Variants in ABCC6 observed in about 807,000 individuals in gnomAD.
The protein encoded by ABCC6 is ATP binding cassette subfamily C member 6, also known as ATP-binding cassette sub-family C member 6.
ABCC6 carries 126 observed loss-of-function variants against 169.5 expected under a neutral mutation model. That is an observed-to-expected ratio of 0.74 (90% confidence interval 0.64 to 0.86). The LOEUF (loss-of-function observed/expected upper bound fraction) is 0.86. ABCC6 is among the 40% of genes least tolerant of loss of function. The pLI, the probability that ABCC6 is intolerant of heterozygous loss-of-function variation, is 0.00. For synonymous variants in ABCC6, 752 were observed against 814.7 expected (o/e 0.92, Z 1.31); for missense variants, 1,733 against 1,927.2 (o/e 0.90, Z 1.89).
chr16:16,154,952 C>A lies in ABCC6; in HGVS notation c.3962G>T (p.Gly1321Val). The change falls in exon 28 of 31, where the codon GGT (glycine) becomes GTT (valine). Residue 1321 changes from glycine to valine, a missense_variant. Gly to Val is a moderately radical substitution (Grantham distance 109). Transcript: ENST00000205557. ...GLLRLQEAAEGGIWIDGVPIA... is the reference protein window; with the variant it reads ...GLLRLQEAAEVGIWIDGVPIA... ...GGGGACCCCGTCGATCCAGATCCCA[C>A]CCTCAGCTGCCTCCTGGAGCCGCAG... 6.3e-7 allele frequency: 1 copy of A among 1,589,726 alleles called. No individual in the cohort carries two copies. The highest frequency in any genetic ancestry group is 8.6e-7 in the Non-Finnish European group (1 of 1,168,416).
rs1201141097 is a variant in ABCC6, at chr16:16,223,385, T to TGG, written c.36+12_36+13dup. On this transcript the variant is annotated intron_variant, in intron 1 of 30. Coordinates refer to ENST00000205557, the MANE Select transcript of ABCC6 (RefSeq NM_001171.6). ...CCTGGAAAAGGAGAGTGGGGCGCGATGGGGGGCACTCACCCCCTGCCCCGC... is the reference window on the plus strand; with the variant it reads ...CCTGGAAAAGGAGAGTGGGGCGCGATGGGGGGGGCACTCACCCCCTGCCCCGC... 31 of 1,292,342 alleles carry TGG rather than the reference T, an allele frequency of 2.4e-5. No individual in the cohort carries two copies. The highest frequency in any genetic ancestry group is 3.3e-5 in the Non-Finnish European group (31 of 950,500). The allele number at this position is 1,292,342 out of a possible 1,614,324, so 80.1% of individuals were successfully genotyped here.
intron 20 of ABCC6, 159 bp downstream of exon 20, chr16:16,175,751 TA>T: frequency 3.3e-6 from 1 of 299,878 alleles, no homozygotes; most frequent in Non-Finnish European, 4.7e-6. Flanking sequence ...CCAATTTTGG[TA>T]AATTATCCCT....
chr16:16,183,867 C>T (rs866238281), intron 15 of ABCC6, among the ~76,000 whole-genome samples: 5 of 152,148 alleles, frequency 3.3e-5, no homozygotes, highest in Middle Eastern at 3.4e-3. Flanking sequence ...CACTCTCCTG[C>T]CCCAGGACCT....
In ABCC6 at chr16:16,208,749, C is replaced by G. The variant is rs1171374387; in HGVS notation, c.773G>C (p.Arg258Thr). ...TTACCTCCGGGCTGCACTGCGGTTCCTCATCCACTCCTTTTCAAGCCGGGA... is the reference window on the plus strand; with the variant it reads ...TTACCTCCGGGCTGCACTGCGGTTCGTCATCCACTCCTTTTCAAGCCGGGA... ...LVSRLEKEWM[R>T]NRSAARRHNK... is the part of the protein sequence containing the mutation. Residue 258 changes from arginine to threonine, a missense_variant, in exon 7 of 31, where the codon AGG (arginine) becomes ACG (threonine). Physicochemically the swap from Arg to Thr is moderately conservative, Grantham distance 71 (BLOSUM62 -1). Around this residue, in one of 5 missense-constraint regions of ABCC6, gnomAD observed 1,601 missense variants for 1,635.5 expected, o/e 0.98. Coordinates refer to ENST00000205557, the MANE Select transcript of ABCC6 (RefSeq NM_001171.6). The G allele has an allele frequency of 1.2e-5, 19 of 1,613,584 alleles. No individual in the cohort carries two copies. The highest frequency in any genetic ancestry group is 1.6e-5 in the Non-Finnish European group (19 of 1,179,718).
chr16:16,197,521 GAGA>G (rs577824019), intron 10 of ABCC6, among the ~76,000 whole-genome samples: 12 of 151,048 alleles, frequency 7.9e-5, no homozygotes, highest in Middle Eastern at 3.4e-3. Flanking sequence ...GACGGTAGAG[GAGA>G]AGAAGGGAGA....
At position 16,178,721 on chromosome 16, in the gene ABCC6, A is replaced by C. The variant is rs1308323470; in HGVS notation, c.2415+77T>G. On this transcript the variant is annotated intron_variant, in intron 18 of 30. Coordinates refer to ENST00000205557, the MANE Select transcript of ABCC6 (RefSeq NM_001171.6). ...TCAAGTGGAAGGGGGAGGTGAGATA[A>C]ACTTGGGTTAGGACTGGATGCTAAG... 4 of 1,555,686 alleles carry C rather than the reference A, an allele frequency of 2.6e-6. No homozygotes were observed. The Admixed American group carries it at 6.7e-5, about 26-fold the overall frequency.
At position 16,214,533 on chromosome 16, in the gene ABCC6, T is replaced by C. The variant is rs2048779362; in HGVS notation, c.475-84A>G. The C allele has an allele frequency of 2.6e-6, 4 of 1,548,860 alleles. No individual in the cohort carries two copies. In the East Asian group the frequency reaches 7.3e-5, roughly 28 times the overall value. Reference sequence around the variant, plus strand: ...GAAAAGGTTTCTGATCTTGGGTCAGTGCCCACTCTGGGGACCAGGGCAAGA... The same window carrying C: ...GAAAAGGTTTCTGATCTTGGGTCAGCGCCCACTCTGGGGACCAGGGCAAGA... On this transcript the variant is annotated intron_variant, in intron 4 of 30. Transcript: ENST00000205557.
At chr16:16,215,440 TGTGTG>T (rs1391835309) in intron 4 of ABCC6, among the ~76,000 whole-genome samples, 1 of 30,424 alleles carries the variant, frequency 3.3e-5, no homozygotes, top group Non-Finnish European at 6.4e-5. Flanking sequence ...TAATTTTAGG[TGTGTG>T]TGTGTGTGTG....
At chr16:16,220,104 T>G (rs1294314982) in intron 2 of ABCC6, among the ~76,000 whole-genome samples, 157 bp from the exon 3 acceptor site, 1 of 148,362 alleles carries the variant, frequency 6.7e-6, no homozygotes, top group African/African-American at 2.5e-5. Flanking sequence ...ATGTGAACAA[T>G]GTGTAAAGGG....
At chr16:16,184,294 A>G in intron 15 of ABCC6, 1 of 212,948 alleles carries the variant, frequency 4.7e-6, no homozygotes, top group South Asian at 4.8e-5. Flanking sequence ...TTCCCTCGCT[A>G]GACATGCCAT....
chr16:16,165,492 C>A, intron 23 of ABCC6, 131 bp downstream of exon 23: 3 of 933,264 alleles, frequency 3.2e-6, no homozygotes. Flanking sequence ...TGTCCCTGTC[C>A]CTGGGAATTC....
chr16:16,213,286 G>T (rs1001979346), intron 5 of ABCC6, among the ~76,000 whole-genome samples: 1 of 151,830 alleles, frequency 6.6e-6, no homozygotes. Flanking sequence ...TGTAGAGATG[G>T]GGTCTCACTA....
intron 26 of ABCC6, among the ~76,000 whole-genome samples, chr16:16,158,675 A>T (rs1224645189): frequency 6.6e-6 from 1 of 152,062 alleles, no homozygotes; most frequent in Admixed American, 6.5e-5. Context: ...TGCTACTGTT[A>T]TGTTGCTGGA....
Position 16,162,890 on chromosome 16 carries a change from C to G in ABCC6, c.3506+103G>C, listed in dbSNP as rs1323720968. The G allele has an allele frequency of 8.2e-6, 12 of 1,470,726 alleles. No individual in the cohort carries two copies. The Admixed American group carries it at 8.4e-5, about 10-fold the overall frequency. The allele number at this position is 1,470,726 out of a possible 1,614,324, so 91.1% of individuals were successfully genotyped here. On this transcript the variant is annotated intron_variant, in intron 24 of 30. Transcript: ENST00000205557. ...GTGGGATCTAGCCTCAACTATGTCC[C>G]TGACTCTCTGGGTGACCTCTCTACC...
chr16:16,177,477 T>G lies in ABCC6; in HGVS notation c.2565A>C (p.Arg855Ser), dbSNP rs375979955. The change falls in exon 19 of 31, where the codon AGA (arginine) becomes AGC (serine). Residue 855 changes from arginine (R) to serine (S), a missense_variant. By Grantham distance (110) the Arg-to-Ser change is moderately radical (BLOSUM62 -1). This residue lies in a region of ABCC6 where 1,601 missense variants were observed against 1,635.5 expected (regional missense o/e 0.98). Transcript: ENST00000205557. ...GALMCLLDQA[R>S]QPGDRGEGET... ...CTCCTTCTCCTCTATCTCCTGGCTG[T>G]CTGGCTTGATCCAGAAGACACATGA... 1.2e-6 allele frequency: 2 copies of G among 1,614,158 alleles called. No individual in the cohort carries two copies. Among genetic ancestry groups the G allele is most frequent in the South Asian group, 1.1e-5 (1 of 91,086 alleles).
intron 10 of ABCC6, 21 bp downstream of exon 10, chr16:16,198,000 C>A (rs1186845797): frequency 6.2e-7 from 1 of 1,612,250 alleles, no homozygotes; most frequent in African/African-American, 1.3e-5. Context: ...GTTCAAATCC[C>A]GTCTTCCTCC....
intron 10 of ABCC6, among the ~76,000 whole-genome samples, chr16:16,195,685 C>T (rs1266493244): frequency 6.6e-6 from 1 of 152,194 alleles, no homozygotes. Context: ...TGTTCTTCCT[C>T]TCTCCCTCTC....
chr16:16,203,330 G>A, intron 8 of ABCC6, 80 bp downstream of exon 8: 3 of 1,597,588 alleles, frequency 1.9e-6, no homozygotes, highest in Middle Eastern at 1.8e-4. Flanking sequence ...AGAGGCAGGA[G>A]AGCTGAAGCC....
At chr16:16,164,130 C>G (rs1223240738) in intron 23 of ABCC6, among the ~76,000 whole-genome samples, 1 of 152,092 alleles carries the variant, frequency 6.6e-6, no homozygotes, top group African/African-American at 2.4e-5. Context: ...GCCTCCCGGG[C>G]TCAAGCAATC....
Sources: gnomAD v4.1 joint callset for allele counts (sites outside exome capture counted in the v4.1 genomes callset) on GRCh38, gnomAD v4.1.1 for gene constraint, gnomAD v4.1.1 regional missense constraint, MANE v1.5 for transcripts, NCBI Gene and HGNC (gene_info 2026-07-23, HGNC 2026-07-21) for gene names.